The following CFAP92 variants were observed in gnomAD, a reference collection of about 807,000 sequenced individuals.
CFAP92 encodes cilia and flagella associated protein 92 (putative), also known as uncharacterized protein CFAP92.
Under a neutral mutation model 106.3 loss-of-function variants are expected in CFAP92, and 86 were observed. The ratio of observed to expected loss-of-function variants is 0.81; its 90% confidence interval spans 0.68 to 0.97. The LOEUF (loss-of-function observed/expected upper bound fraction) is 0.97, where lower values mean the gene tolerates loss of function less well. Ranked by LOEUF, CFAP92 falls within the 50% of genes least tolerant of loss-of-function variation. The probability of loss-of-function intolerance (pLI) is 0.00; values close to 1 mark genes in which losing one functional copy is unlikely to be tolerated. For synonymous variants in CFAP92, 477 were observed against 506.4 expected, an observed-to-expected ratio of 0.94 and a Z score of 0.78; for missense variants, 1,204 against 1,283.8, an observed-to-expected ratio of 0.94 and a Z score of 0.95.
intron 12 of CFAP92, among the ~76,000 whole-genome samples, chr3:128,918,496 A>G (rs1937003366): frequency 6.6e-6 from 1 of 152,174 alleles, no homozygotes; most frequent in South Asian, 2.1e-4. Context: ...AAAAGTCACA[A>G]AACTCTTTGG....
chr3:128,912,349 G>A (rs1308911352), intron 15 of CFAP92, among the ~76,000 whole-genome samples: 1 of 152,150 alleles, frequency 6.6e-6, no homozygotes, highest in Non-Finnish European at 1.5e-5. Context: ...TCTCCCTGCA[G>A]CCCTGAATCA....
intron 12 of CFAP92, among the ~76,000 whole-genome samples, chr3:128,924,435 T>C (rs1168839705): frequency 1.7e-5 from 1 of 57,748 alleles, no homozygotes; most frequent in Non-Finnish European, 3.4e-5. Flanking sequence ...ATTGTATCTT[T>C]TTTTTTTTTT....
intron 14 of CFAP92, 39 bp downstream of exon 14, chr3:128,915,318 A>G (rs1158084230): frequency 2.0e-6 from 3 of 1,535,966 alleles, no homozygotes; most frequent in East Asian, 2.4e-5. Flanking sequence ...AAAGGTCCCT[A>G]TGGACACCCC....
the CFAP92 span, among the ~76,000 whole-genome samples, chr3:129,013,929 G>C: frequency 6.6e-6 from 1 of 152,208 alleles, no homozygotes; most frequent in South Asian, 2.1e-4. Context: ...TTGTGACTAG[G>C]CAGGGGCAGG....
chr3:128,984,842 C>G (rs1293238561), intron 4 of CFAP92, among the ~76,000 whole-genome samples: 1 of 152,230 alleles, frequency 6.6e-6, no homozygotes, highest in Non-Finnish European at 1.5e-5. Context: ...AACATCCTAT[C>G]CCCTTCATAA....
chr3:128,924,876 C>G (rs1209814819), intron 12 of CFAP92, among the ~76,000 whole-genome samples: 1 of 152,210 alleles, frequency 6.6e-6, no homozygotes, highest in African/African-American at 2.4e-5. Flanking sequence ...TTTCTTTCAA[C>G]CCCCACATCC....
At chr3:128,911,567 A>AGTT (rs1237126624) in intron 15 of CFAP92, among the ~76,000 whole-genome samples, 1 of 152,080 alleles carries the variant, frequency 6.6e-6, no homozygotes, top group East Asian at 1.9e-4. Flanking sequence ...CCTCCTGAGT[A>AGTT]GTTGGGATTA....
At chr3:128,986,500 C>T (rs1266936749) in intron 4 of CFAP92, among the ~76,000 whole-genome samples, 1 of 152,140 alleles carries the variant, frequency 6.6e-6, no homozygotes, top group East Asian at 1.9e-4. Flanking sequence ...GGATTACAGG[C>T]ATGAGCCACT....
chr3:128,998,468 C>T (rs1296786838), upstream of CFAP92, among the ~76,000 whole-genome samples: 2 of 152,288 alleles, frequency 1.3e-5, no homozygotes, highest in South Asian at 2.1e-4. Flanking sequence ...CTTTATGACA[C>T]TGAAAATAAT....
chr3:128,935,059 T>G, intron 11 of CFAP92, 66 bp downstream of exon 11: 1 of 1,320,820 alleles, frequency 7.6e-7, no homozygotes, highest in Non-Finnish European at 1.0e-6. Context: ...CCTGTTTGGG[T>G]GCAGAGTGTT....
In CFAP92 at chr3:128,932,753, A is replaced by C; in HGVS notation, c.2698T>G (p.Trp900Gly). 6.5e-7 allele frequency: 1 copy of C among 1,535,760 alleles called. No individual in the cohort carries two copies. Among genetic ancestry groups the C allele is most frequent in the Admixed American group, 2.0e-5 (1 of 50,994 alleles). The change falls in exon 12 of 16, where the codon TGG (tryptophan) becomes GGG (glycine). Residue 900 changes from tryptophan to glycine, a missense_variant. By Grantham distance (184) the Trp-to-Gly change is radical. Transcript: ENST00000645291. The part of the protein sequence containing the change: ...IHAHQEKYLQ[W>G]RSAMLMKNKD... ...TTCTTCATAAGCATGGCACTCCGCC[A>C]CTGCAGGTACTTCTCCTGGTGGGCG... is the stretch of plus-strand genomic sequence containing the variant.
intron 10 of CFAP92, among the ~76,000 whole-genome samples, chr3:128,943,920 G>GTTTT (rs768570835): frequency 7.1e-4 from 78 of 110,118 alleles, no homozygotes; most frequent in African/African-American, 2.4e-3. Flanking sequence ...TATTTCCCCC[G>GTTTT]TTTTTTTTTT....
chr3:129,002,002 C>G, intron 1 of CFAP92: 2 of 1,545,958 alleles, frequency 1.3e-6, no homozygotes, highest in Middle Eastern at 1.7e-4. Flanking sequence ...GACTCAGATA[C>G]CGATGAAGAG....
chr3:128,994,077 G>C (rs990929634), upstream of CFAP92: 3 of 985,772 alleles, frequency 3.0e-6, no homozygotes, highest in East Asian at 2.3e-4. Context: ...CTCCAAGACT[G>C]AGAGGAGCGT....
rs565546586 is a variant in CFAP92, at chr3:128,945,413, G to A, written c.1916C>T (p.Ala639Val). The A allele has an allele frequency of 3.3e-5, 50 of 1,536,120 alleles. No individual in the cohort carries two copies. Among genetic ancestry groups the A allele is most frequent in the East Asian group, 2.4e-4 (10 of 40,920 alleles). The change falls in exon 10 of 16, where the codon GCG becomes GTG. Residue 639 changes from alanine (A) to valine (V), a missense_variant. Ala to Val is a moderately conservative substitution (Grantham distance 64). Transcript: ENST00000645291. ...TCTGGCCCCGGCCCTCAGTGGCACCGCGATGTCCACTCGCAACTTGAGCTG... is the reference window on the plus strand; with the variant it reads ...TCTGGCCCCGGCCCTCAGTGGCACCACGATGTCCACTCGCAACTTGAGCTG... ...DSQLKLRVDIAVPLRAGARAA... is the reference protein window; with the variant it reads ...DSQLKLRVDIVVPLRAGARAA...
At chr3:128,941,643 A>C (rs1157885644) in intron 10 of CFAP92, among the ~76,000 whole-genome samples, 1 of 151,980 alleles carries the variant, frequency 6.6e-6, no homozygotes, top group East Asian at 1.9e-4. Flanking sequence ...CGCCCAGCTA[A>C]TTTTTGTATT....
At chr3:128,929,785 T>A (rs1452377081) in intron 12 of CFAP92, among the ~76,000 whole-genome samples, 1 of 152,234 alleles carries the variant, frequency 6.6e-6, no homozygotes, top group African/African-American at 2.4e-5. Flanking sequence ...AGAGATTGAC[T>A]GTAAACTAGC....
intron 9 of CFAP92, among the ~76,000 whole-genome samples, chr3:128,962,147 T>G (rs535500179): frequency 6.6e-6 from 1 of 152,230 alleles, no homozygotes; most frequent in East Asian, 1.9e-4. Flanking sequence ...TCTGACTGAC[T>G]CCTTCTCGGC....
At position 128,988,889 on chromosome 3, in the gene CFAP92, C is replaced by A; in HGVS notation, c.292G>T (p.Glu98Ter). 6.2e-7 allele frequency: 1 copy of A among 1,613,494 alleles called. No individual in the cohort carries two copies. Among genetic ancestry groups the A allele is most frequent in the Non-Finnish European group, 8.5e-7 (1 of 1,179,600 alleles). ...GTTTTAGGGTGTTTCTTATATTTTTCAATCAAACTTGCATATTTTCCCTTC... is the reference window on the plus strand; with the variant it reads ...GTTTTAGGGTGTTTCTTATATTTTTAAATCAAACTTGCATATTTTCCCTTC... ...GQKGKYASLI[E>*]KYKKHPKTDS... The change falls in exon 3 of 16, where the codon GAA becomes TAA. Residue 98 changes from glutamate (E) to a stop codon, truncating the protein, a stop_gained. Coordinates refer to ENST00000645291, the MANE Select transcript of CFAP92 (RefSeq NM_001394090.1). LOFTEE classifies it high-confidence loss of function.
Sources: allele counts gnomAD v4.1 joint callset (sites outside exome capture counted in the v4.1 genomes callset), GRCh38; gene constraint gnomAD v4.1.1; transcripts MANE v1.5; gene names NCBI Gene and HGNC (gene_info 2026-07-23, HGNC 2026-07-21).